SLC8A2: variants seen among roughly 807,000 people sequenced by gnomAD.
SLC8A2 encodes the protein solute carrier family 8 member A2, also known as sodium/calcium exchanger 2.
A neutral mutation model predicts 70.2 loss-of-function variants in SLC8A2; 14 were observed. The ratio of observed to expected loss-of-function variants is 0.20; its 90% CI spans 0.13 to 0.31. The LOEUF (loss-of-function observed/expected upper bound fraction) is 0.31, where lower values mean the gene tolerates loss of function less well. Among genes scored for constraint, SLC8A2 ranks in the 10% least tolerant of loss-of-function variants. The pLI, the probability that SLC8A2 is intolerant of heterozygous loss-of-function variation, is 1.00. For missense variants in SLC8A2, 779 were observed against 1,320.1 expected, an observed-to-expected ratio of 0.59 and a Z score of 6.35; for synonymous variants, 575 against 594.3, an observed-to-expected ratio of 0.97 and a Z score of 0.47.
At chr19:47,459,803 G>A (rs983745508) in intron 2 of SLC8A2, among the ~76,000 whole-genome samples, 5 of 152,134 alleles carry the variant, frequency 3.3e-5, no homozygotes, top group African/African-American at 9.6e-5. Flanking sequence ...GTGTGTGTGC[G>A]CACATGTGTG....
In SLC8A2 at chr19:47,430,218, C is replaced by G. The variant is rs756001331; in HGVS notation, c.2637G>C (p.Pro879=). 10 of 1,607,930 alleles carry G rather than the reference C, an allele frequency of 6.2e-6. No homozygotes were observed. The South Asian group carries it at 1.1e-4, about 18-fold the overall frequency. ...GGCCGCCCAGCTCGCCGCCGATGTG[C>G]GGCCGGCGCCGGTACAGCAGCACGG... ...GIAVLLYRRR[P]HIGGELGGPR... is the part of the protein sequence containing the mutation. Residue 879 remains proline, a synonymous_variant, in exon 10 of 10, where the codon CCG becomes CCC. Transcript: ENST00000236877. The surrounding 1 kb of genome is among the most constrained non-coding windows in gnomAD (Gnocchi z 5.9).
Position 47,448,306 on chromosome 19 carries a change from G to C in SLC8A2, c.1341-75C>G. 2 of 1,179,184 alleles carry C rather than the reference G, an allele frequency of 1.7e-6. No individual in the cohort carries two copies. The highest frequency in any genetic ancestry group is 2.8e-5 in the South Asian group (2 of 70,288). 73.0% of individuals were successfully genotyped at this position (1,179,184 alleles called of 1,614,324 possible). Reference sequence around the variant, plus strand: ...CTGTGTGTTGTACGGGGGGAGTCTGGACGTGCTTCCCAGAGGAGACGTAGG... The same window carrying C: ...CTGTGTGTTGTACGGGGGGAGTCTGCACGTGCTTCCCAGAGGAGACGTAGG... On this transcript the variant is annotated intron_variant, in intron 3 of 9. Coordinates refer to ENST00000236877, the MANE Select transcript of SLC8A2 (RefSeq NM_015063.3). This position sits in a 1 kb window ranked among gnomAD's most constrained non-coding sequence, Gnocchi z 4.8.
chr19:47,457,647 C>T lies in SLC8A2; in HGVS notation c.676-53G>A, dbSNP rs372987382. 38 of 1,244,942 alleles carry T rather than the reference C, an allele frequency of 3.1e-5. 1 individual carries two copies. Among genetic ancestry groups the T allele is most frequent in the African/African-American group, 1.1e-4 (7 of 64,316 alleles). 77.1% of individuals were successfully genotyped at this position (1,244,942 alleles called of 1,614,324 possible). A position where few individuals can be genotyped will look rare whatever the true frequency, so the allele number is the denominator to read the frequency against. On this transcript the variant is annotated intron_variant, in intron 2 of 9. Transcript: ENST00000236877. ...CCGGGCGGGCCGCCTTCTCCCTCCC[C>T]GCCTCTCTGTCTCAGTCTCTGTCCG... is the stretch of plus-strand genomic sequence containing the variant.
intron 8 of SLC8A2, 121 bp downstream of exon 8, chr19:47,437,341 G>A (rs1967042580): frequency 1.4e-6 from 1 of 723,186 alleles, no homozygotes; most frequent in Non-Finnish European, 2.4e-6. Flanking sequence ...AGGATTCCAG[G>A]CATGAGCCAC....
At chr19:47,445,707 C>G (rs1407761469) in intron 4 of SLC8A2, among the ~76,000 whole-genome samples, 1 of 152,002 alleles carries the variant, frequency 6.6e-6, no homozygotes, top group Admixed American at 6.5e-5. Context: ...GGGTGGGGGA[C>G]AGAGGGTGTC....
chr19:47,448,616 G>A lies in SLC8A2; in HGVS notation c.1341-385C>T, dbSNP rs953447574. On this transcript the variant is annotated intron_variant, in intron 3 of 9. Transcript: ENST00000236877. The surrounding 1 kb of genome is among the most constrained non-coding windows in gnomAD (Gnocchi z 4.8). ...CAAGAGTTGAGAGGGAGCCTGGGGT[G>A]TTCTACATCCCTGCTTCTCAAACCT... is the stretch of plus-strand genomic sequence containing the variant. 1.3e-5 allele frequency among the ~76,000 whole-genome samples: 2 copies of A among 152,174 alleles called. No individual in the cohort carries two copies. Among genetic ancestry groups the A allele is most frequent in the African/African-American group, 4.8e-5 (2 of 41,436 alleles).
At chr19:47,442,681 A>G (rs1363512130) in intron 4 of SLC8A2, among the ~76,000 whole-genome samples, 1 of 151,798 alleles carries the variant, frequency 6.6e-6, no homozygotes, top group Non-Finnish European at 1.5e-5. Context: ...TTTCTTTTTA[A>G]TGTATTTATT....
At chr19:47,434,310 G>A (rs544946139) in intron 8 of SLC8A2, among the ~76,000 whole-genome samples, 3 of 152,118 alleles carry the variant, frequency 2.0e-5, no homozygotes, top group African/African-American at 4.8e-5. Flanking sequence ...GGCATTCTGC[G>A]GACTCTGGCC....
rs773368341 is a variant in SLC8A2, at chr19:47,437,806, G to C, written c.2010+43C>G. ...CTTTCCGGACCCTCCCCAAGGAAAT[G>C]AACCAGGCTGGACTCCAGGAAGGTG... On this transcript the variant is annotated intron_variant, in intron 7 of 9. Transcript: ENST00000236877. 1.7e-5 allele frequency: 27 copies of C among 1,612,304 alleles called. No individual in the cohort carries two copies. The African/African-American group carries it at 3.3e-4, about 20-fold the overall frequency.
intron 2 of SLC8A2, among the ~76,000 whole-genome samples, chr19:47,458,328 A>G (rs1445170304): frequency 8.2e-6 from 1 of 121,440 alleles, no homozygotes. Context: ...ATCTCTGTTC[A>G]TCTCTGCCTC....
chr19:47,463,439 C>T (rs967720614), intron 2 of SLC8A2, among the ~76,000 whole-genome samples: 2 of 148,298 alleles, frequency 1.3e-5, no homozygotes, highest in African/African-American at 4.9e-5. Flanking sequence ...GGCCCAGAAA[C>T]CTTTTCTTTA....
intron 1 of SLC8A2, among the ~76,000 whole-genome samples, chr19:47,471,239 G>C (rs551777954): frequency 6.6e-5 from 10 of 151,806 alleles, no homozygotes; most frequent in African/African-American, 2.4e-4. Context: ...AAGGGAGAGA[G>C]GCAGAGACAC....
intron 2 of SLC8A2, among the ~76,000 whole-genome samples, chr19:47,461,843 C>T (rs1056873453): frequency 7.2e-5 from 11 of 152,162 alleles, no homozygotes; most frequent in Admixed American, 2.0e-4. Flanking sequence ...AGCCGATTCA[C>T]AATGTCTTTC....
chr19:47,464,561 G>T (rs1967434912), intron 2 of SLC8A2, among the ~76,000 whole-genome samples: 1 of 152,080 alleles, frequency 6.6e-6, no homozygotes, highest in African/African-American at 2.4e-5. Flanking sequence ...CTGTCTTCTG[G>T]TGCCACTGTC....
In SLC8A2 at chr19:47,466,803, AC is replaced by A; in HGVS notation, c.-16-385del. On this transcript the variant is annotated intron_variant, in intron 1 of 9. Transcript: ENST00000236877. The surrounding 1 kb of genome is among the most constrained non-coding windows in gnomAD (Gnocchi z 6.9). ...TCATAGCAGGCCGGGTGCGGTGGCT[AC>A]GCCTGTAATCCCTGAACTTTGGGAG... 6.6e-6 allele frequency among the ~76,000 whole-genome samples: 1 copy of A among 152,178 alleles called. No individual in the cohort carries two copies. The highest frequency in any genetic ancestry group is 1.5e-5 in the Non-Finnish European group (1 of 68,036).
intron 2 of SLC8A2, among the ~76,000 whole-genome samples, chr19:47,461,093 G>A (rs943350343): frequency 6.6e-6 from 1 of 151,980 alleles, no homozygotes; most frequent in Non-Finnish European, 1.5e-5. Flanking sequence ...GGGAAGCTGA[G>A]GCAGGAGAAT....
Position 47,457,386 on chromosome 19 carries a change from A to T in SLC8A2, c.884T>A (p.Leu295Gln), listed in dbSNP as rs1967320274. Residue 295 changes from leucine to glutamine, a missense_variant, in exon 3 of 10, where the codon CTG becomes CAG. Leu to Gln is a moderately radical substitution (Grantham distance 113, BLOSUM62 -2). Coordinates refer to ENST00000236877, the MANE Select transcript of SLC8A2 (RefSeq NM_015063.3). ...TFVGAEAPGE[L>Q]GGLGPGPAEA... ...GGCGGGGCCCGGGCCCAGGCCGCCC[A>T]GCTCACCTGGGGCCTCGGCGCCCAC... The T allele has an allele frequency of 2.6e-6, 4 of 1,554,356 alleles. No individual in the cohort carries two copies. The highest frequency in any genetic ancestry group is 2.0e-5 in the Admixed American group (1 of 50,700).
intron 6 of SLC8A2, among the ~76,000 whole-genome samples, chr19:47,438,759 G>A (rs73065393): frequency 0.026 from 3,975 of 152,038 alleles, 75 homozygotes; most frequent in Non-Finnish European, 0.037. Context: ...CCCTAATCCC[G>A]ACTCTAACAT....
intron 3 of SLC8A2, among the ~76,000 whole-genome samples, chr19:47,456,417 A>G (rs1967303918): frequency 6.6e-6 from 1 of 152,202 alleles, no homozygotes; most frequent in African/African-American, 2.4e-5. Context: ...TAATCCCAGC[A>G]TTCTGGGAGG....
Sources: gnomAD v4.1 joint callset for allele counts (sites outside exome capture counted in the v4.1 genomes callset) on GRCh38, gnomAD v4.1.1 for gene constraint, Gnocchi (gnomAD v3.1) non-coding constraint, MANE v1.5 for transcripts, NCBI Gene and HGNC (gene_info 2026-07-23, HGNC 2026-07-21) for gene names.